NOL4: variants seen among roughly 807,000 people sequenced by gnomAD.
NOL4 encodes nucleolar protein 4.
NOL4 carries 17 observed loss-of-function variants against 75.9 expected under a neutral mutation model. The observed-to-expected ratio is 0.22, with a 90% confidence interval of 0.15 to 0.34. The LOEUF (loss-of-function observed/expected upper bound fraction) is 0.34. Among genes scored for constraint, NOL4 ranks in the 10% least tolerant of loss-of-function variants. The pLI is 1.00. For missense variants in NOL4, 614 were observed against 793.5 expected, an observed-to-expected ratio of 0.77 and a Z score of 2.72; for synonymous variants, 292 against 289.9, an observed-to-expected ratio of 1.01 and a Z score of -0.07.
chr18:34,184,111 T>C (rs1169922937), intron 1 of NOL4, among the ~76,000 whole-genome samples: 3 of 151,470 alleles, frequency 2.0e-5, no homozygotes, highest in African/African-American at 4.8e-5. Context: ...ACACACACAC[T>C]CAGAGCTTAA....
intron 1 of NOL4, among the ~76,000 whole-genome samples, chr18:34,167,373 T>G (rs1041275310): frequency 1.3e-4 from 20 of 152,092 alleles, no homozygotes; most frequent in Admixed American, 8.5e-4. Flanking sequence ...TGTTAAACAC[T>G]TCTCTAATCT....
intron 2 of NOL4, among the ~76,000 whole-genome samples, chr18:34,107,201 G>C (rs2079331031): frequency 6.6e-6 from 1 of 151,992 alleles, no homozygotes; most frequent in African/African-American, 2.4e-5. Context: ...TTGTCTAGCA[G>C]CATTTAGCCC....
intron 9 of NOL4, among the ~76,000 whole-genome samples, chr18:33,925,164 G>A (rs975582060): frequency 2.6e-5 from 4 of 151,946 alleles, no homozygotes; most frequent in African/African-American, 9.7e-5. Context: ...GTACGATTAT[G>A]TATGATGTGC....
At chr18:34,190,636 G>A (rs562487010) in intron 1 of NOL4, among the ~76,000 whole-genome samples, 1 of 151,526 alleles carries the variant, frequency 6.6e-6, no homozygotes, top group East Asian at 1.9e-4. Flanking sequence ...GAGTAGAACA[G>A]GTCAAAGGAA....
chr18:33,906,092 T>G (rs1425976696), intron 9 of NOL4, among the ~76,000 whole-genome samples: 1 of 152,220 alleles, frequency 6.6e-6, no homozygotes, highest in Non-Finnish European at 1.5e-5. Flanking sequence ...CCAAGCTAAC[T>G]ACGAGAGGAA....
intron 1 of NOL4, among the ~76,000 whole-genome samples, chr18:34,211,770 C>T (rs1273039712): frequency 6.6e-6 from 1 of 151,976 alleles, no homozygotes; most frequent in Non-Finnish European, 1.5e-5. Flanking sequence ...ATTGAATAAA[C>T]CTCAGATAGA....
At chr18:33,908,261 C>T (rs572381877) in intron 9 of NOL4, among the ~76,000 whole-genome samples, 76 of 152,232 alleles carry the variant, frequency 5.0e-4, no homozygotes, top group Middle Eastern at 3.4e-3. Flanking sequence ...GAAAACTAGC[C>T]ATCACAGTAA....
At chr18:34,069,198 T>C (rs1299938462) in intron 5 of NOL4, among the ~76,000 whole-genome samples, 1 of 152,152 alleles carries the variant, frequency 6.6e-6, no homozygotes, top group Non-Finnish European at 1.5e-5. Flanking sequence ...TTAGAAACTC[T>C]AAGAAAACAC....
At chr18:34,099,381 A>G (rs2078940783) in intron 4 of NOL4, among the ~76,000 whole-genome samples, 1 of 150,660 alleles carries the variant, frequency 6.6e-6, no homozygotes, top group South Asian at 2.1e-4. Context: ...AAAAAAAGAC[A>G]ACTACGCATG....
chr18:33,860,609 A>AT (rs1315577005), intron 10 of NOL4, among the ~76,000 whole-genome samples: 3 of 152,036 alleles, frequency 2.0e-5, no homozygotes, highest in Non-Finnish European at 4.4e-5. Flanking sequence ...TCTTTTCCTA[A>AT]TTGAATACCC....
intron 8 of NOL4, among the ~76,000 whole-genome samples, chr18:33,956,182 T>C (rs1028749696): frequency 6.6e-6 from 1 of 152,130 alleles, no homozygotes; most frequent in Non-Finnish European, 1.5e-5. Context: ...TTCAGAGAAA[T>C]TGCTGAATTT....
intron 10 of NOL4, among the ~76,000 whole-genome samples, chr18:33,864,481 C>G (rs1015852080): frequency 1.3e-5 from 2 of 152,136 alleles, no homozygotes; most frequent in African/African-American, 2.4e-5. Context: ...TTTCTCATCT[C>G]CACCTGAGAC....
chr18:34,121,469 C>G (rs1043871489), intron 2 of NOL4, among the ~76,000 whole-genome samples: 2 of 152,134 alleles, frequency 1.3e-5, no homozygotes, highest in Non-Finnish European at 1.5e-5. Flanking sequence ...TTTTTGAACA[C>G]ATATCCAAGA....
At chr18:34,029,539 C>T (rs2075526931) in intron 5 of NOL4, among the ~76,000 whole-genome samples, 1 of 152,138 alleles carries the variant, frequency 6.6e-6, no homozygotes, top group Admixed American at 6.5e-5. Context: ...TGTGCCAAAG[C>T]CCACTTAACA....
At chr18:33,972,239 CTAAAAG>C (rs1035936822) in intron 6 of NOL4, among the ~76,000 whole-genome samples, 2 of 150,884 alleles carry the variant, frequency 1.3e-5, no homozygotes, top group Non-Finnish European at 3.0e-5. Flanking sequence ...TTTTTTAAAG[CTAAAAG>C]TAAATGTATA....
chr18:34,099,165 C>T (rs1381972743), intron 4 of NOL4, among the ~76,000 whole-genome samples: 2 of 151,444 alleles, frequency 1.3e-5, no homozygotes, highest in African/African-American at 4.9e-5. Context: ...GAGTTTGAGA[C>T]CAGCCTGGCC....
intron 10 of NOL4, among the ~76,000 whole-genome samples, chr18:33,862,747 C>T (rs1047388813): frequency 6.6e-6 from 1 of 152,122 alleles, no homozygotes; most frequent in African/African-American, 2.4e-5. Context: ...GTTAGAATGG[C>T]AATCATTAAA....
chr18:34,086,171 C>A (rs376804711), intron 5 of NOL4, among the ~76,000 whole-genome samples: 6 of 152,148 alleles, frequency 3.9e-5, no homozygotes, highest in Admixed American at 6.6e-5. Flanking sequence ...AAAAGAGCAG[C>A]ATTGTATCAT....
intron 1 of NOL4, among the ~76,000 whole-genome samples, chr18:34,141,551 T>C (rs2081163891): frequency 6.6e-6 from 1 of 152,200 alleles, no homozygotes; most frequent in Non-Finnish European, 1.5e-5. Flanking sequence ...CCATCTGATC[T>C]TTGACAAACC....
Sources: allele counts gnomAD v4.1 joint callset (sites outside exome capture counted in the v4.1 genomes callset), GRCh38; gene constraint gnomAD v4.1.1; transcripts MANE v1.5; gene names NCBI Gene and HGNC (gene_info 2026-07-23, HGNC 2026-07-21).